The following OXR1 variants were observed in gnomAD, a reference collection of about 807,000 sequenced individuals.
OXR1 encodes the protein oxidation resistance protein 1.
In OXR1, 41 loss-of-function variants were observed where a neutral mutation model predicts 104.6. The observed-to-expected ratio is 0.39, with a 90% confidence interval of 0.31 to 0.51. The LOEUF is 0.51. Ranked by LOEUF, OXR1 falls within the 20% of genes least tolerant of loss-of-function variation. The pLI is 0.77. For missense variants in OXR1, 955 were observed against 1,031.9 expected, an observed-to-expected ratio of 0.93 and a Z score of 1.02; for synonymous variants, 348 against 348.4, an observed-to-expected ratio of 1.00 and a Z score of 0.01.
intron 3 of OXR1, among the ~76,000 whole-genome samples, chr8:106,665,291 G>A (rs1826169219): frequency 6.6e-6 from 1 of 152,156 alleles, no homozygotes; most frequent in African/African-American, 2.4e-5. Flanking sequence ...TTGGATGTGG[G>A]AGGGAACTGG....
intron 1 of OXR1, among the ~76,000 whole-genome samples, chr8:106,288,203 G>A (rs1327254009): frequency 1.3e-5 from 2 of 152,120 alleles, no homozygotes; most frequent in Admixed American, 6.6e-5. Context: ...AGGTGTGGGA[G>A]CCTCCTTAAA....
chr8:106,295,487 A>T (rs1246777036), intron 1 of OXR1, among the ~76,000 whole-genome samples: 1 of 152,164 alleles, frequency 6.6e-6, no homozygotes, highest in African/African-American at 2.4e-5. Flanking sequence ...CATGTTATGC[A>T]CGACTCATTA....
chr8:106,288,658 CTATCTA>C (rs1812610561), intron 1 of OXR1, among the ~76,000 whole-genome samples: 1 of 145,344 alleles, frequency 6.9e-6, no homozygotes, highest in South Asian at 2.1e-4. Context: ...CACACATACT[CTATCTA>C]TATTTAAATT....
rs886134835 is a variant in OXR1, at chr8:106,567,223, C to A, written c.220+48084C>A. ...AGGAGAGAGAAGAGAAGAACTTTTT[C>A]TTTTATACATGCTTGCTGTGTACAT... On this transcript the variant is annotated intron_variant, in intron 3 of 16. Coordinates refer to ENST00000517566, the MANE Select transcript of OXR1 (RefSeq NM_001198533.2). 2.6e-5 allele frequency among the ~76,000 whole-genome samples: 4 copies of A among 152,174 alleles called. No individual in the cohort carries two copies. The South Asian group carries it at 8.3e-4, about 32-fold the overall frequency.
intron 2 of OXR1, among the ~76,000 whole-genome samples, chr8:106,371,741 G>T (rs1892768): frequency 0.063 from 9,630 of 152,118 alleles, 620 homozygotes; most frequent in African/African-American, 0.16. Context: ...TACTTTGATT[G>T]TACTGTGTTC....
intron 3 of OXR1, among the ~76,000 whole-genome samples, chr8:106,677,058 C>G (rs1412369965): frequency 6.6e-6 from 1 of 151,852 alleles, no homozygotes; most frequent in Non-Finnish European, 1.5e-5. Flanking sequence ...AAACACAGAT[C>G]GAAAAGCTAT....
chr8:106,331,921 G>C (rs762664313), intron 1 of OXR1, among the ~76,000 whole-genome samples: 2 of 142,962 alleles, frequency 1.4e-5, no homozygotes, highest in Non-Finnish European at 3.0e-5. Flanking sequence ...CTGGGTGACA[G>C]CGAGACTCTG....
At chr8:106,707,176 C>A in intron 9 of OXR1, 31 bp downstream of exon 9, 3 of 1,597,620 alleles carry the variant, frequency 1.9e-6, no homozygotes, top group Non-Finnish European at 2.6e-6. Flanking sequence ...GAAGTTAGTT[C>A]ATCCAATTGT....
intron 2 of OXR1, among the ~76,000 whole-genome samples, chr8:106,466,383 A>C (rs1335992264): frequency 1.3e-5 from 2 of 151,744 alleles, no homozygotes; most frequent in African/African-American, 4.8e-5. Flanking sequence ...GACAAGAGGG[A>C]CTTCTTTTTC....
At chr8:106,289,331 CA>C (rs1468191684) in intron 1 of OXR1, among the ~76,000 whole-genome samples, 1 of 152,124 alleles carries the variant, frequency 6.6e-6, no homozygotes, top group African/African-American at 2.4e-5. Context: ...TATACAAAAT[CA>C]ATGTATAAAA....
chr8:106,692,594 G>T, intron 6 of OXR1, 134 bp from the exon 7 acceptor site: 1 of 465,210 alleles, frequency 2.1e-6, no homozygotes. Context: ...AAAATATTTC[G>T]GGCTGACTTC....
At chr8:106,320,195 G>A (rs1814156784) in intron 1 of OXR1, among the ~76,000 whole-genome samples, 1 of 152,180 alleles carries the variant, frequency 6.6e-6, no homozygotes, top group African/African-American at 2.4e-5. Flanking sequence ...CCCTCATTCT[G>A]AAGTGCCAAC....
At chr8:106,381,286 G>A (rs1278550610) in intron 2 of OXR1, among the ~76,000 whole-genome samples, 1 of 152,174 alleles carries the variant, frequency 6.6e-6, no homozygotes, top group African/African-American at 2.4e-5. Flanking sequence ...GAGAGGAATG[G>A]AAATGAAGAT....
At chr8:106,371,883 C>T (rs538969794) in intron 2 of OXR1, among the ~76,000 whole-genome samples, 2 of 152,356 alleles carry the variant, frequency 1.3e-5, no homozygotes, top group South Asian at 2.1e-4. Context: ...GCCTCCCTGG[C>T]TCCAGCAGGG....
chr8:106,523,777 A>ATTTT (rs34364900), intron 3 of OXR1, among the ~76,000 whole-genome samples: 2 of 145,590 alleles, frequency 1.4e-5, no homozygotes. Context: ...TGGAGTGGAA[A>ATTTT]TTTTTTTTTT....
chr8:106,656,120 C>T (rs1260674769), intron 3 of OXR1: 1 of 152,230 alleles, frequency 6.6e-6, no homozygotes, highest in Non-Finnish European at 1.5e-5. Context: ...CCGAGCCTCT[C>T]TTTCATTGAA....
At chr8:106,718,564 G>T (rs1414738825) in intron 11 of OXR1, among the ~76,000 whole-genome samples, 1 of 152,166 alleles carries the variant, frequency 6.6e-6, no homozygotes, top group South Asian at 2.1e-4. Flanking sequence ...TGTGGGTCGG[G>T]CGTGGTGGCT....
chr8:106,406,869 TA>T (rs1469401194), intron 2 of OXR1, among the ~76,000 whole-genome samples: 2 of 152,150 alleles, frequency 1.3e-5, no homozygotes, highest in Non-Finnish European at 2.9e-5. Flanking sequence ...CACGTCCATA[TA>T]AATTTATCAC....
chr8:106,467,219 T>C (rs776573007), intron 2 of OXR1, among the ~76,000 whole-genome samples: 40 of 152,076 alleles, frequency 2.6e-4, no homozygotes, highest in Non-Finnish European at 4.7e-4. Flanking sequence ...TCCTTCATTC[T>C]GTCTAGTTTA....
Sources: gnomAD v4.1 joint callset for allele counts (sites outside exome capture counted in the v4.1 genomes callset) on GRCh38, gnomAD v4.1.1 for gene constraint, MANE v1.5 for transcripts, NCBI Gene and HGNC (gene_info 2026-07-23, HGNC 2026-07-21) for gene names.